Variants in USP22 observed in about 807,000 individuals in gnomAD.
USP22 encodes ubiquitin specific peptidase 22.
In USP22, 22 loss-of-function variants were observed where a neutral mutation model predicts 68.1. The ratio of observed to expected loss-of-function variants is 0.32; its 90% CI spans 0.23 to 0.46. USP22 has a LOEUF of 0.46. Ranked by LOEUF, USP22 falls within the 20% of genes least tolerant of loss-of-function variation. The probability of loss-of-function intolerance (pLI) is 1.00; values close to 1 mark genes in which losing one functional copy is unlikely to be tolerated. For missense variants in USP22, 433 were observed against 695.8 expected, an observed-to-expected ratio of 0.62 and a Z score of 4.25; for synonymous variants, 279 against 274.2, an observed-to-expected ratio of 1.02 and a Z score of -0.17.
At chr17:21,017,844 A>G in intron 5 of USP22, 98 bp downstream of exon 5, 1 of 1,442,790 alleles carries the variant, frequency 6.9e-7, no homozygotes, top group Non-Finnish European at 9.4e-7. Context: ...AAAGGTTCTA[A>G]ATGTATCTTC....
rs549047074 is a variant in USP22 at position 21,012,930 on chromosome 17, C to T, written c.844G>A (p.Asp282Asn). 372 of 1,613,980 alleles carry T rather than the reference C, an allele frequency of 2.3e-4. 3 individuals are homozygous for T. In the South Asian group the frequency reaches 4.0e-3, roughly 17 times the overall value. Residue 282 changes from aspartate (D) to asparagine (N), a missense_variant, in exon 7 of 13, where the codon GAC becomes AAC. Around this residue, in one of 4 missense-constraint regions of USP22, gnomAD observed 178 missense variants for 351.5 expected, o/e 0.51. Transcript: ENST00000261497. ...DVLHRHCKGD[D>N]NGKKANNPNH... ...GGGTTGTTGGCCTTCTTCCCATTGT[C>T]ATCACCTGGAGACAGACCACGGCTC...
chr17:21,004,469 C>A lies in USP22; in HGVS notation c.1386-118G>T, dbSNP rs985136493. On this transcript the variant is annotated intron_variant, in intron 11 of 12. Coordinates refer to ENST00000261497, the MANE Select transcript of USP22 (RefSeq NM_015276.2). ...AGCGGGAGGCCTGTGGGCCTGTCAACCCCCAGGGCCTCAGGCTGATGCACA... is the reference window on the plus strand; with the variant it reads ...AGCGGGAGGCCTGTGGGCCTGTCAAACCCCAGGGCCTCAGGCTGATGCACA... 1.0e-5 allele frequency: 13 copies of A among 1,273,908 alleles called. No individual in the cohort carries two copies. The Admixed American group carries it at 2.6e-4, about 25-fold the overall frequency. 78.9% of individuals were successfully genotyped at this position (1,273,908 alleles called of 1,614,324 possible).
chr17:21,021,107 C>A lies in USP22; in HGVS notation c.418+6G>T. ...ATCAAGCAGGTAAACTGAGGTGGAACCAAACCTTGCATTTTCCAAGCTTTT... is the reference window on the plus strand; with the variant it reads ...ATCAAGCAGGTAAACTGAGGTGGAAACAAACCTTGCATTTTCCAAGCTTTT... On this transcript the variant is annotated splice_donor_region_variant and intron_variant, in intron 3 of 12. Coordinates refer to ENST00000261497, the MANE Select transcript of USP22 (RefSeq NM_015276.2). The A allele has an allele frequency of 1.9e-6, 3 of 1,611,866 alleles. No individual in the cohort carries two copies. The highest frequency in any genetic ancestry group is 2.5e-6 in the Non-Finnish European group (3 of 1,177,984).
intron 1 of USP22, among the ~76,000 whole-genome samples, chr17:21,041,658 T>C (rs780406599): frequency 5.3e-4 from 81 of 152,350 alleles, no homozygotes; most frequent in South Asian, 2.5e-3. Flanking sequence ...AGCGAGCCTG[T>C]TGGTATTCCC....
chr17:21,012,672 C>T (rs1255591969), intron 7 of USP22, among the ~76,000 whole-genome samples, 158 bp downstream of exon 7: 2 of 151,568 alleles, frequency 1.3e-5, no homozygotes, highest in African/African-American at 4.8e-5. Flanking sequence ...AGAGGAAGCA[C>T]CCCCACCCCA....
At chr17:21,031,204 A>C (rs1038690321) in intron 1 of USP22, among the ~76,000 whole-genome samples, 1 of 152,256 alleles carries the variant, frequency 6.6e-6, no homozygotes, top group Non-Finnish European at 1.5e-5. Flanking sequence ...TTTATACGCA[A>C]CCAAAGACAC....
At position 21,011,167 on chromosome 17, in the gene USP22, T is replaced by C. The variant is rs1339861609; in HGVS notation, c.1087A>G (p.Thr363Ala). ...GCCTCTCACCGTCGCAGGCAGTCCG[T>C]GAGCGTGGTGGTTCCCGACACGTGG... ...ESHVSGTTTL[T>A]DCLRRFTRPE... Residue 363 changes from threonine to alanine, a missense_variant, in exon 8 of 13, where the codon ACG (threonine) becomes GCG (alanine). Physicochemically the swap from Thr to Ala is moderately conservative, Grantham distance 58. This residue lies in a region of USP22 where 178 missense variants were observed against 351.5 expected (regional missense o/e 0.51). Transcript: ENST00000261497. 1.2e-6 allele frequency: 2 copies of C among 1,603,146 alleles called. No individual in the cohort carries two copies. The highest frequency in any genetic ancestry group is 1.3e-5 in the African/African-American group (1 of 74,798).
At chr17:21,021,308 G>A (rs1442777198) in intron 2 of USP22, 82 bp from the exon 3 acceptor site, 13 of 875,698 alleles carry the variant, frequency 1.5e-5, no homozygotes, top group Non-Finnish European at 2.5e-5. Flanking sequence ...TAAACACAGT[G>A]AGGTTCTGTA....
At chr17:21,018,999 G>A in intron 4 of USP22, 85 bp downstream of exon 4, 1 of 1,386,748 alleles carries the variant, frequency 7.2e-7, no homozygotes, top group Non-Finnish European at 1.0e-6. Context: ...ACAGAATCAT[G>A]TGGACTTAAG....
intron 2 of USP22, among the ~76,000 whole-genome samples, chr17:21,021,938 A>C (rs1972161217): frequency 2.6e-5 from 4 of 151,950 alleles, no homozygotes; most frequent in Non-Finnish European, 1.5e-5. Context: ...CATCTCTACT[A>C]AAGTACAAAA....
chr17:21,012,718 T>A, intron 7 of USP22, 112 bp downstream of exon 7: 1 of 965,340 alleles, frequency 1.0e-6, no homozygotes, highest in South Asian at 1.6e-5. Context: ...TAATCATTTA[T>A]CTCATAGCCT....
chr17:21,041,775 T>C lies in USP22; in HGVS notation c.171+890A>G, dbSNP rs79987087. ...ACTGTAAAAATAAACTTTATTCACATAGAAGAATCACGTTACGTTTTGATT... is the reference window on the plus strand; with the variant it reads ...ACTGTAAAAATAAACTTTATTCACACAGAAGAATCACGTTACGTTTTGATT... On this transcript the variant is annotated intron_variant, in intron 1 of 12. Coordinates refer to ENST00000261497, the MANE Select transcript of USP22 (RefSeq NM_015276.2). 1.2e-3 allele frequency among the ~76,000 whole-genome samples: 178 copies of C among 152,344 alleles called. 3 individuals are homozygous for C. In the East Asian group the frequency reaches 0.027, roughly 23 times the overall value.
intron 1 of USP22, among the ~76,000 whole-genome samples, 177 bp from the exon 2 acceptor site, chr17:21,028,851 G>T (rs749802994): frequency 1.5e-4 from 22 of 151,576 alleles, no homozygotes; most frequent in Non-Finnish European, 2.9e-4. Context: ...CCCCAAACAG[G>T]ACTTCATTCA....
At chr17:21,020,971 G>A (rs1339060039) in intron 3 of USP22, 142 bp downstream of exon 3, 1 of 657,632 alleles carries the variant, frequency 1.5e-6, no homozygotes, top group African/African-American at 1.8e-5. Flanking sequence ...TCCACTGTGG[G>A]CCTTAGGGGA....
At chr17:21,023,708 G>A (rs551115354) in intron 2 of USP22, among the ~76,000 whole-genome samples, 15 of 151,818 alleles carry the variant, frequency 9.9e-5, no homozygotes, top group African/African-American at 2.2e-4. Context: ...TCAGACACCC[G>A]GGAGGCAGCG....
intron 9 of USP22, 122 bp downstream of exon 9, chr17:21,007,748 G>T: frequency 7.9e-7 from 1 of 1,266,596 alleles, no homozygotes; most frequent in Non-Finnish European, 1.1e-6. Context: ...CCCTTCCTCG[G>T]TGTTCTTCCT....
chr17:21,018,019 G>A lies in USP22; in HGVS notation c.613C>T (p.Leu205=), dbSNP rs780768257. 3 of 1,614,146 alleles carry A rather than the reference G, an allele frequency of 1.9e-6. No individual in the cohort carries two copies. In the South Asian group the frequency reaches 3.3e-5, roughly 18 times the overall value. ...ATCTCACAGCGGTGCCTGTCAGACA[G>A]GAAGAAGTCCCGCAGAAGTGGCGTG... is the stretch of plus-strand genomic sequence containing the variant. ...THTPLLRDFF[L]SDRHRCEMQS... The change falls in exon 5 of 13, where the codon CTG becomes TTG. Residue 205 remains leucine, a synonymous_variant. Transcript: ENST00000261497.
At chr17:21,011,019 C>CGG in intron 8 of USP22, 132 bp downstream of exon 8, 11 of 1,247,256 alleles carry the variant, frequency 8.8e-6, no homozygotes, top group Non-Finnish European at 1.1e-5. Flanking sequence ...AGACTGCAGC[C>CGG]AATCCAGGCT....
intron 2 of USP22, among the ~76,000 whole-genome samples, chr17:21,023,392 C>G (rs906872563): frequency 6.6e-6 from 1 of 152,106 alleles, no homozygotes; most frequent in Admixed American, 6.6e-5. Flanking sequence ...GTGGCTCACA[C>G]CTGTAATCCC....
Sources: gnomAD v4.1 joint callset for allele counts (sites outside exome capture counted in the v4.1 genomes callset) on GRCh38, gnomAD v4.1.1 for gene constraint, gnomAD v4.1.1 regional missense constraint, MANE v1.5 for transcripts, NCBI Gene and HGNC (gene_info 2026-07-23, HGNC 2026-07-21) for gene names.